Variants in MLIP observed in about 807,000 individuals in gnomAD.
MLIP encodes the protein muscular LMNA interacting protein.
A neutral mutation model predicts 84.8 loss-of-function variants in MLIP; 79 were observed. That is an observed-to-expected ratio of 0.93 (90% CI 0.78 to 1.12). The LOEUF (loss-of-function observed/expected upper bound fraction) is 1.12, where lower values mean the gene tolerates loss of function less well. MLIP is among the 50% of genes most tolerant of loss of function. The probability of loss-of-function intolerance (pLI) is 0.00; values close to 1 mark genes in which losing one functional copy is unlikely to be tolerated. For synonymous variants in MLIP, 504 were observed against 463.0 expected, an observed-to-expected ratio of 1.09 and a Z score of -1.14; for missense variants, 1,257 against 1,160.6, an observed-to-expected ratio of 1.08 and a Z score of -1.21.
intron 3 of MLIP, among the ~76,000 whole-genome samples, chr6:54,128,762 T>C (rs1027985897): frequency 6.6e-6 from 1 of 152,162 alleles, no homozygotes; most frequent in Non-Finnish European, 1.5e-5. Context: ...CTTGAAATCA[T>C]AAACCTCAGT....
intron 3 of MLIP, among the ~76,000 whole-genome samples, chr6:54,128,128 G>T (rs1047772056): frequency 5.3e-5 from 8 of 152,146 alleles, no homozygotes; most frequent in African/African-American, 1.9e-4. Flanking sequence ...ATGAATGTTG[G>T]CATCATTAAT....
intron 5 of MLIP, among the ~76,000 whole-genome samples, chr6:54,158,245 G>T (rs1023236453): frequency 4.6e-5 from 7 of 152,054 alleles, no homozygotes; most frequent in African/African-American, 1.7e-4. Context: ...TGGGAATAAA[G>T]AAATGAGAAA....
chr6:54,118,371 C>A (rs1444120384), intron 1 of MLIP, among the ~76,000 whole-genome samples: 1 of 152,174 alleles, frequency 6.6e-6, no homozygotes, highest in African/African-American at 2.4e-5. Context: ...AGAAATAAAT[C>A]CACACACTTA....
At chr6:54,087,612 C>A (rs2150366197) in intron 1 of MLIP, among the ~76,000 whole-genome samples, 1 of 152,196 alleles carries the variant, frequency 6.6e-6, no homozygotes, top group East Asian at 1.9e-4. Context: ...CCTTCTCCTT[C>A]CTCTGGGGGC....
chr6:54,165,060 A>G (rs1775037741), intron 8 of MLIP, among the ~76,000 whole-genome samples: 1 of 151,914 alleles, frequency 6.6e-6, no homozygotes, highest in Non-Finnish European at 1.5e-5. Context: ...TGGAAACTCA[A>G]ATTTCCCTGA....
chr6:54,257,181 T>C (rs1783062784), intron 12 of MLIP, 127 bp from the exon 13 acceptor site: 1 of 673,376 alleles, frequency 1.5e-6, no homozygotes, highest in South Asian at 1.9e-5. Flanking sequence ...TGTTTATACT[T>C]GGTAGAATCC....
At chr6:54,148,129 T>G (rs927401434) in intron 4 of MLIP, among the ~76,000 whole-genome samples, 3 of 152,156 alleles carry the variant, frequency 2.0e-5, no homozygotes, top group African/African-American at 7.2e-5. Flanking sequence ...GTTTTGCTTT[T>G]GAAGACACTA....
At chr6:54,240,500 G>T (rs1034471071) in intron 12 of MLIP, among the ~76,000 whole-genome samples, 2 of 152,072 alleles carry the variant, frequency 1.3e-5, no homozygotes, top group African/African-American at 4.8e-5. Flanking sequence ...AAGTTGCAGT[G>T]TTATTTTGTG....
At chr6:54,022,720 A>T (rs1367198099) in intron 1 of MLIP, among the ~76,000 whole-genome samples, 1 of 152,056 alleles carries the variant, frequency 6.6e-6, no homozygotes, top group Non-Finnish European at 1.5e-5. Flanking sequence ...ATGATCATGT[A>T]CCTCAGGGCA....
At chr6:54,023,513 C>T (rs1465264338) in intron 1 of MLIP, among the ~76,000 whole-genome samples, 1 of 152,020 alleles carries the variant, frequency 6.6e-6, no homozygotes, top group Non-Finnish European at 1.5e-5. Context: ...CTCATAATAA[C>T]ATTCTTCTTG....
chr6:54,204,739 A>G (rs1778922840), intron 11 of MLIP, among the ~76,000 whole-genome samples: 2 of 152,216 alleles, frequency 1.3e-5, no homozygotes, highest in African/African-American at 2.4e-5. Flanking sequence ...TTCTGACTAT[A>G]AAGTAAGTTT....
chr6:54,124,727 T>C lies in MLIP; in HGVS notation c.507T>C (p.Ala169=). 6.2e-7 allele frequency: 1 copy of C among 1,614,174 alleles called. No individual in the cohort carries two copies. ...QGPPGGIGTA[A]VRPKSLAISS... is the part of the protein sequence containing the mutation. Reference sequence around the variant, plus strand: ...CCCCAGGGGGGATTGGCACCGCAGCTGTCCGGCCCAAGTCTCTAGCTATCT... The same window carrying C: ...CCCCAGGGGGGATTGGCACCGCAGCCGTCCGGCCCAAGTCTCTAGCTATCT... The change falls in exon 3 of 14, where the codon GCT becomes GCC. Residue 169 remains alanine (A), a synonymous_variant. Transcript: ENST00000502396.
chr6:54,233,716 A>G, intron 12 of MLIP, among the ~76,000 whole-genome samples: 1 of 147,588 alleles, frequency 6.8e-6, no homozygotes, highest in East Asian at 1.9e-4. Flanking sequence ...GCTGGATCAA[A>G]TGGTATTTCT....
chr6:54,099,423 T>C (rs1432343405), intron 1 of MLIP: 4 of 152,102 alleles, frequency 2.6e-5, no homozygotes, highest in Admixed American at 6.6e-5. Flanking sequence ...GGCTACTCAA[T>C]TGAATGTCAT....
intron 1 of MLIP, among the ~76,000 whole-genome samples, chr6:54,025,323 A>G (rs1233418944): frequency 6.6e-6 from 1 of 152,198 alleles, no homozygotes; most frequent in African/African-American, 2.4e-5. Context: ...TACTTTCCGT[A>G]TGGCTTGAAT....
intron 12 of MLIP, among the ~76,000 whole-genome samples, chr6:54,242,351 G>A (rs920575344): frequency 5.3e-5 from 8 of 152,182 alleles, no homozygotes; most frequent in Admixed American, 2.0e-4. Context: ...CGTGTGTAAC[G>A]TTTATATTGG....
chr6:54,175,592 G>A (rs567675866), intron 9 of MLIP, among the ~76,000 whole-genome samples: 1 of 151,970 alleles, frequency 6.6e-6, no homozygotes, highest in Admixed American at 6.6e-5. Flanking sequence ...TTTGTATGTT[G>A]ATTTTGTATC....
chr6:54,215,470 T>A (rs1779793776), intron 11 of MLIP: 2 of 1,081,612 alleles, frequency 1.8e-6, no homozygotes, highest in Middle Eastern at 7.1e-4. Flanking sequence ...CTTTCATCTT[T>A]ATTGCAGTAT....
In MLIP at chr6:54,079,220, T is replaced by C. The variant is rs190928602; in HGVS notation, c.64-42227T>C. Among the ~76,000 whole-genome samples the C allele has an allele frequency of 2.0e-3, 308 of 152,314 alleles. 1 individual carries two copies. The highest frequency in any genetic ancestry group is 7.1e-3 in the African/African-American group (295 of 41,564). Reference sequence around the variant, plus strand: ...ATCAGGTATGACTAAAATTTAAAAATGCAAGTGCCTCTAGTTAGACAATCC... The same window carrying C: ...ATCAGGTATGACTAAAATTTAAAAACGCAAGTGCCTCTAGTTAGACAATCC... On this transcript the variant is annotated intron_variant, in intron 1 of 12. Transcript: ENST00000274897.
Sources: allele counts gnomAD v4.1 joint callset (sites outside exome capture counted in the v4.1 genomes callset), GRCh38; gene constraint gnomAD v4.1.1; transcripts MANE v1.5; gene names NCBI Gene and HGNC (gene_info 2026-07-23, HGNC 2026-07-21).